NADSYN1: variants seen among roughly 807,000 people sequenced by gnomAD.
NADSYN1 encodes the protein glutamine-dependent NAD(+) synthetase.
A neutral mutation model predicts 99.3 loss-of-function variants in NADSYN1; 80 were observed. The observed-to-expected ratio is 0.81, with a 90% CI of 0.67 to 0.97. NADSYN1 has a LOEUF of 0.97. Among genes scored for constraint, NADSYN1 ranks in the 50% least tolerant of loss-of-function variants. The pLI is 0.00. For missense variants in NADSYN1, 859 were observed against 948.5 expected (o/e 0.91, Z 1.24); for synonymous variants, 385 against 372.1 (o/e 1.03, Z -0.40).
intron 3 of NADSYN1, chr11:71,460,104 G>T (rs1949541535): frequency 6.6e-6 from 1 of 152,382 alleles, no homozygotes; most frequent in Non-Finnish European, 1.5e-5. Context: ...TGTTGTCGCA[G>T]TCCTCCTCTG....
In NADSYN1 at chr11:71,484,456, G is replaced by A. The variant is rs138192167; in HGVS notation, c.1455+9G>A. ...CGCTGCAAAATGTGCAGGTGCCCCCGCCTGGGCCGGCGTCCCCTGGGGGTG... is the reference window on the plus strand; with the variant it reads ...CGCTGCAAAATGTGCAGGTGCCCCCACCTGGGCCGGCGTCCCCTGGGGGTG... On this transcript the variant is annotated intron_variant, in intron 15 of 20. Transcript: ENST00000319023. The A allele has an allele frequency of 1.7e-3, 2,804 of 1,610,284 alleles. 23 individuals carry two copies. Among genetic ancestry groups the A allele is most frequent in the African/African-American group, 0.012 (913 of 74,968 alleles).
intron 19 of NADSYN1, 29 bp from the exon 20 acceptor site, chr11:71,498,323 A>C (rs772601846): frequency 6.2e-7 from 1 of 1,612,556 alleles, no homozygotes; most frequent in East Asian, 2.2e-5. Flanking sequence ...TTTTGGTAAC[A>C]TGAAGCTCGT....
At chr11:71,469,586 G>T (rs1172972732) in intron 5 of NADSYN1, among the ~76,000 whole-genome samples, 12 of 152,208 alleles carry the variant, frequency 7.9e-5, no homozygotes, top group Non-Finnish European at 1.3e-4. Context: ...ATGGGCTCTG[G>T]CTAGTTATCT....
In NADSYN1 at chr11:71,480,833, T is replaced by C; in HGVS notation, c.952T>C (p.Ser318Pro). ...SCHEDLLAPI[S>P]EPIEWKYHSP... ...CCACGAGGACTTGCTGGCACCCATC[T>C]CTGAGCCCATCGAGTGGAAATACCA... Residue 318 changes from serine (S) to proline (P), a missense_variant, in exon 11 of 21, where the codon TCT becomes CCT. Physicochemically the swap from Ser to Pro is moderately conservative, Grantham distance 74. Transcript: ENST00000319023. 6.2e-7 allele frequency: 1 copy of C among 1,614,152 alleles called. No individual in the cohort carries two copies. The highest frequency in any genetic ancestry group is 8.5e-7 in the Non-Finnish European group (1 of 1,180,030).
intron 9 of NADSYN1, chr11:71,476,284 G>C (rs1237319266): frequency 2.8e-6 from 1 of 358,570 alleles, no homozygotes; most frequent in Non-Finnish European, 5.5e-6. Flanking sequence ...ATTCACCGAG[G>C]CAGGCGGTAG....
intron 9 of NADSYN1, 98 bp from the exon 10 acceptor site, chr11:71,478,297 T>C: frequency 9.9e-7 from 1 of 1,005,418 alleles, no homozygotes; most frequent in African/African-American, 1.6e-5. Context: ...CAGCCCCTGC[T>C]TTAGAAGGTG....
rs764593002 is a variant in NADSYN1 at position 71,480,748 on chromosome 11, T to C, written c.874-7T>C. The C allele has an allele frequency of 3.1e-6, 5 of 1,613,994 alleles. No homozygotes were observed. The highest frequency in any genetic ancestry group is 2.5e-6 in the Non-Finnish European group (3 of 1,179,984). On this transcript the variant is annotated splice_region_variant and splice_polypyrimidine_tract_variant and intron_variant, in intron 10 of 20. Coordinates refer to ENST00000319023, the MANE Select transcript of NADSYN1 (RefSeq NM_018161.5). Reference sequence around the variant, plus strand: ...GGAGTCATTCTGTCTTGAATCTCCATTGCCAGGCCAGCAGGGCGAGCCCCT... The same window carrying C: ...GGAGTCATTCTGTCTTGAATCTCCACTGCCAGGCCAGCAGGGCGAGCCCCT...
At chr11:71,482,744 G>A (rs1015401541) in intron 13 of NADSYN1, 105 bp from the exon 14 acceptor site, 74 of 1,294,688 alleles carry the variant, frequency 5.7e-5, no homozygotes, top group East Asian at 1.1e-4. Context: ...GGTGTAGACC[G>A]GGGTGGAGCC....
intron 7 of NADSYN1, 88 bp from the exon 8 acceptor site, chr11:71,473,481 G>C (rs1350103151): frequency 6.5e-7 from 1 of 1,527,078 alleles, no homozygotes; most frequent in African/African-American, 1.4e-5. Flanking sequence ...TGGGCTGGGA[G>C]CTGCCGTGGG....
At chr11:71,461,488 G>T (rs1052451130) in intron 3 of NADSYN1, among the ~76,000 whole-genome samples, 3 of 152,146 alleles carry the variant, frequency 2.0e-5, no homozygotes, top group African/African-American at 7.2e-5. Flanking sequence ...GAGTGCAGCG[G>T]TGCGATCTCG....
chr11:71,486,035 C>T (rs908936006), intron 16 of NADSYN1, among the ~76,000 whole-genome samples: 3 of 152,150 alleles, frequency 2.0e-5, no homozygotes, highest in East Asian at 1.9e-4. Flanking sequence ...GAAAATACTC[C>T]CCTTCTCATA....
chr11:71,490,773 T>A, intron 16 of NADSYN1, 72 bp from the exon 17 acceptor site: 2 of 1,575,126 alleles, frequency 1.3e-6, no homozygotes, highest in Admixed American at 3.6e-5. Context: ...AAGAAGCGAC[T>A]CCCTGGCTGG....
Position 71,501,296 on chromosome 11 carries a change from T to C in NADSYN1, c.2071-6T>C. The C allele has an allele frequency of 6.3e-7, 1 of 1,580,530 alleles. No individual in the cohort carries two copies. The highest frequency in any genetic ancestry group is 8.6e-7 in the Non-Finnish European group (1 of 1,162,506). On this transcript the variant is annotated splice_polypyrimidine_tract_variant and splice_region_variant and intron_variant, in intron 20 of 20. Transcript: ENST00000319023. ...GGGCTGTGGTGTCACAGGCCTCTCT[T>C]TCCAGGTGCTACAGCTCGAGAGGGC...
chr11:71,486,868 C>G (rs956642232), intron 16 of NADSYN1, among the ~76,000 whole-genome samples: 1 of 126,878 alleles, frequency 7.9e-6, no homozygotes, highest in African/African-American at 3.0e-5. Context: ...TGCAGTGGCG[C>G]GATCTCGGCT....
chr11:71,501,469 A>G lies in NADSYN1; in HGVS notation c.*117A>G. 1 of 943,600 alleles carries G rather than the reference A, an allele frequency of 1.1e-6. No homozygotes were observed. The allele number at this position is 943,600 out of a possible 1,614,324, so 58.5% of individuals were successfully genotyped here. On this transcript the variant is annotated 3_prime_UTR_variant, in exon 21 of 21. Transcript: ENST00000319023. The stretch of plus-strand genomic sequence containing the variant: ...GGAGCCCAGGATGGGACGGCGCATC[A>G]GCCGAGAGGGAGGGAACTTTTCAGT...
intron 3 of NADSYN1, among the ~76,000 whole-genome samples, chr11:71,461,726 C>T (rs182384177): frequency 4.6e-5 from 7 of 152,326 alleles, no homozygotes; most frequent in Non-Finnish European, 1.0e-4. Flanking sequence ...AGCACCCAGT[C>T]GCTACACACT....
intron 19 of NADSYN1, among the ~76,000 whole-genome samples, 196 bp from the exon 20 acceptor site, chr11:71,498,156 G>T (rs1949832823): frequency 6.6e-6 from 1 of 152,180 alleles, no homozygotes; most frequent in Non-Finnish European, 1.5e-5. Context: ...AGCATCAGAG[G>T]CAGGGGGACC....
chr11:71,468,502 AACAT>A (rs1949607902), intron 5 of NADSYN1, among the ~76,000 whole-genome samples: 1 of 152,224 alleles, frequency 6.6e-6, no homozygotes, highest in Admixed American at 6.5e-5. Flanking sequence ...AAAGATATAG[AACAT>A]ATGATTGTCA....
chr11:71,493,651 G>A (rs780185910), intron 18 of NADSYN1, among the ~76,000 whole-genome samples: 29 of 152,264 alleles, frequency 1.9e-4, no homozygotes, highest in Middle Eastern at 6.8e-3. Context: ...AATTAGATCC[G>A]TGACCCTCCA....
Sources: gnomAD v4.1 joint callset for allele counts (sites outside exome capture counted in the v4.1 genomes callset) on GRCh38, gnomAD v4.1.1 for gene constraint, MANE v1.5 for transcripts, NCBI Gene and HGNC (gene_info 2026-07-23, HGNC 2026-07-21) for gene names.